Variants in FERRY3 observed in about 807,000 individuals in gnomAD.
The protein encoded by FERRY3 is protein C12orf4.
At chr12:4,535,948 T>C in the FERRY3 span, 1 of 1,294,030 alleles carries the variant, frequency 7.7e-7, no homozygotes, top group Non-Finnish European at 1.0e-6. This position sits in a 1 kb window ranked among gnomAD's most constrained non-coding sequence, Gnocchi z 4.0. Flanking sequence ...CTTTCTAATA[T>C]GAAACTTCCA....
the FERRY3 span, chr12:4,490,550 GA>G: frequency 6.2e-7 from 1 of 1,610,058 alleles, no homozygotes; most frequent in South Asian, 1.1e-5. Context: ...CACTGTCCTA[GA>G]AATTCCTCCA....
chr12:4,518,224 T>C, the FERRY3 span: 2 of 1,614,104 alleles, frequency 1.2e-6, no homozygotes, highest in Admixed American at 1.7e-5. Flanking sequence ...CTCTCAGCAA[T>C]CTCAAATTAT....
At chr12:4,514,761 A>C in the FERRY3 span, among the ~76,000 whole-genome samples, 1 of 110,668 alleles carries the variant, frequency 9.0e-6, no homozygotes, top group Non-Finnish European at 1.8e-5. Context: ...GGGGGGAGGG[A>C]TAGCATTGGG....
chr12:4,499,268 C>G, the FERRY3 span, among the ~76,000 whole-genome samples: 1 of 152,168 alleles, frequency 6.6e-6, no homozygotes, highest in Non-Finnish European at 1.5e-5. Flanking sequence ...CTGCCTCAGT[C>G]CTGGGAGTAG....
the FERRY3 span, chr12:4,525,490 G>C: frequency 1.2e-6 from 2 of 1,610,626 alleles, no homozygotes; most frequent in South Asian, 2.2e-5. Context: ...TTACTTGCTG[G>C]GATTCAAAAT....
At chr12:4,499,999 G>A in the FERRY3 span, 26 of 737,950 alleles carry the variant, frequency 3.5e-5, no homozygotes, top group Non-Finnish European at 5.0e-5. Flanking sequence ...TATTTCACTC[G>A]ATTCTACTAA....
chr12:4,501,824 C>T, the FERRY3 span, among the ~76,000 whole-genome samples: 1 of 152,102 alleles, frequency 6.6e-6, no homozygotes, highest in African/African-American at 2.4e-5. Context: ...CTCCCCAACC[C>T]CCGGTCTGTG....
At chr12:4,491,042 AT>A in the FERRY3 span, 5 of 752,520 alleles carry the variant, frequency 6.6e-6, no homozygotes, top group Non-Finnish European at 9.0e-6. Flanking sequence ...ATTATGAAAT[AT>A]TTGCTTGCTA....
chr12:4,514,165 C>T, the FERRY3 span, among the ~76,000 whole-genome samples: 3 of 151,554 alleles, frequency 2.0e-5, no homozygotes, highest in African/African-American at 7.3e-5. Flanking sequence ...TACTGGCCAT[C>T]AGAGAAATGC....
the FERRY3 span, among the ~76,000 whole-genome samples, chr12:4,498,690 C>A: frequency 6.6e-6 from 1 of 152,116 alleles, no homozygotes; most frequent in Non-Finnish European, 1.5e-5. Flanking sequence ...TTTTTGGCAC[C>A]AGGAACCAGT....
At chr12:4,493,354 C>T in the FERRY3 span, among the ~76,000 whole-genome samples, 1 of 152,178 alleles carries the variant, frequency 6.6e-6, no homozygotes, top group Non-Finnish European at 1.5e-5. Flanking sequence ...TAATACTGAG[C>T]AATACACATG....
the FERRY3 span, among the ~76,000 whole-genome samples, chr12:4,528,060 T>C: frequency 6.6e-6 from 1 of 152,080 alleles, no homozygotes; most frequent in African/African-American, 2.4e-5. Flanking sequence ...TATAGTTTTC[T>C]AGGGGGTAGA....
At chr12:4,505,056 G>T in the FERRY3 span, among the ~76,000 whole-genome samples, 1 of 152,232 alleles carries the variant, frequency 6.6e-6, no homozygotes, top group African/African-American at 2.4e-5. Flanking sequence ...AGTGAACTGA[G>T]ATCGCACCAC....
At chr12:4,505,571 G>A in the FERRY3 span, among the ~76,000 whole-genome samples, 1 of 152,198 alleles carries the variant, frequency 6.6e-6, no homozygotes, top group Non-Finnish European at 1.5e-5. Flanking sequence ...ACAGCCCTGG[G>A]AGGTAAGTCC....
the FERRY3 span, among the ~76,000 whole-genome samples, chr12:4,516,355 G>C: frequency 6.6e-6 from 1 of 152,140 alleles, no homozygotes; most frequent in African/African-American, 2.4e-5. Context: ...CCAAGCTTCT[G>C]AAGATCTGGG....
chr12:4,493,806 C>T, the FERRY3 span, among the ~76,000 whole-genome samples: 582 of 152,170 alleles, frequency 3.8e-3, 6 homozygotes, highest in African/African-American at 0.013. Flanking sequence ...GAAATGTCTA[C>T]AGCTGGCCGG....
At chr12:4,521,940 G>A in the FERRY3 span, among the ~76,000 whole-genome samples, 42 of 152,286 alleles carry the variant, frequency 2.8e-4, no homozygotes, top group African/African-American at 9.9e-4. Flanking sequence ...AGAGCACAGA[G>A]GATTTTTGAG....
chr12:4,536,033 C>T, the FERRY3 span: 10 of 1,576,246 alleles, frequency 6.3e-6, no homozygotes, highest in South Asian at 5.9e-5. Context: ...CTATAAAGCA[C>T]GGTAAACTGT....
the FERRY3 span, among the ~76,000 whole-genome samples, chr12:4,491,817 A>G: frequency 6.6e-6 from 1 of 152,164 alleles, no homozygotes; most frequent in African/African-American, 2.4e-5. Flanking sequence ...CTTCACAAAC[A>G]CCAGAATTGT....
Sources: gnomAD v4.1 joint callset for allele counts (sites outside exome capture counted in the v4.1 genomes callset) on GRCh38, gnomAD v4.1.1 for gene constraint, Gnocchi (gnomAD v3.1) non-coding constraint, MANE v1.5 for transcripts, NCBI Gene and HGNC (gene_info 2026-07-23, HGNC 2026-07-21) for gene names.